Variants in PELI2 observed in about 807,000 individuals in gnomAD.
PELI2 encodes E3 ubiquitin-protein ligase pellino homolog 2.
Under a neutral mutation model 42.3 loss-of-function variants are expected in PELI2, and 23 were observed. The observed-to-expected ratio is 0.54, with a 90% CI of 0.39 to 0.77. PELI2 has a LOEUF of 0.77. Ranked by LOEUF, PELI2 falls within the 30% of genes least tolerant of loss-of-function variation. The probability of loss-of-function intolerance (pLI) is 0.00; values close to 1 mark genes in which losing one functional copy is unlikely to be tolerated. For missense variants in PELI2, 463 were observed against 553.2 expected (o/e 0.84, Z 1.64); for synonymous variants, 245 against 212.2 (o/e 1.15, Z -1.34).
At chr14:56,250,255 T>C (rs1240964476) in intron 2 of PELI2, among the ~76,000 whole-genome samples, 1 of 152,132 alleles carries the variant, frequency 6.6e-6, no homozygotes, top group East Asian at 1.9e-4. Flanking sequence ...GGGGGTGAGA[T>C]TTCAGCCAGG....
At chr14:56,167,126 A>G (rs966482529) in intron 1 of PELI2, among the ~76,000 whole-genome samples, 19 of 152,070 alleles carry the variant, frequency 1.2e-4, no homozygotes, top group African/African-American at 3.6e-4. Context: ...TGGGAGTTTG[A>G]TTATTAAATA....
At chr14:56,295,106 C>G (rs750349133) in intron 5 of PELI2, among the ~76,000 whole-genome samples, 1 of 152,132 alleles carries the variant, frequency 6.6e-6, no homozygotes, top group Non-Finnish European at 1.5e-5. Context: ...TCTCTCTAGT[C>G]CCTGTGCCTC....
At chr14:56,249,104 C>T (rs1023820498) in intron 2 of PELI2, among the ~76,000 whole-genome samples, 6 of 152,040 alleles carry the variant, frequency 3.9e-5, no homozygotes, top group Non-Finnish European at 7.4e-5. Context: ...ATGTGATGCT[C>T]GGAAGTGTGT....
chr14:56,245,253 C>T (rs1008562391), intron 2 of PELI2, among the ~76,000 whole-genome samples: 38 of 152,084 alleles, frequency 2.5e-4, no homozygotes, highest in South Asian at 6.2e-4. Flanking sequence ...CTGTACAGTG[C>T]ATGAGTTGTG....
chr14:56,162,225 T>A (rs1023513419), intron 1 of PELI2, among the ~76,000 whole-genome samples: 2 of 149,960 alleles, frequency 1.3e-5, no homozygotes, highest in African/African-American at 4.9e-5. Context: ...ATTTTTCTAT[T>A]TTTTTTTTTA....
chr14:56,126,052 A>G (rs1331222798), intron 1 of PELI2, among the ~76,000 whole-genome samples: 2 of 152,222 alleles, frequency 1.3e-5, no homozygotes, highest in African/African-American at 4.8e-5. Context: ...TGAGAAACTA[A>G]ACATGTGCTT....
At chr14:56,133,977 T>A (rs1348845798) in intron 1 of PELI2, among the ~76,000 whole-genome samples, 1 of 152,234 alleles carries the variant, frequency 6.6e-6, no homozygotes, top group Non-Finnish European at 1.5e-5. Context: ...TAAGAATGTA[T>A]TATTTACTTT....
intron 1 of PELI2, among the ~76,000 whole-genome samples, chr14:56,139,935 G>A (rs925750429): frequency 8.7e-5 from 10 of 114,604 alleles, no homozygotes; most frequent in African/African-American, 3.1e-4. Context: ...CATTTGTAGG[G>A]CAGCTCATTG....
chr14:56,240,323 G>T (rs1483255761), intron 2 of PELI2, among the ~76,000 whole-genome samples: 1 of 152,098 alleles, frequency 6.6e-6, no homozygotes, highest in African/African-American at 2.4e-5. Context: ...GAAGGGGATG[G>T]ACTCCAGAGA....
intron 3 of PELI2, among the ~76,000 whole-genome samples, chr14:56,280,306 TAAG>T (rs1889436932): frequency 6.6e-6 from 1 of 151,852 alleles, no homozygotes; most frequent in African/African-American, 2.4e-5. Flanking sequence ...GTACAGCAAT[TAAG>T]AAAGTACAGG....
In PELI2 at chr14:56,279,673, T is replaced by C. The variant is rs759066659; in HGVS notation, c.208-3T>C. 2 of 1,521,714 alleles carry C rather than the reference T, an allele frequency of 1.3e-6. No homozygotes were observed. Among genetic ancestry groups the C allele is most frequent in the South Asian group, 2.3e-5 (2 of 85,184 alleles). The allele number at this position is 1,521,714 out of a possible 1,614,324, so 94.3% of individuals were successfully genotyped here. Reference sequence around the variant, plus strand: ...ATGGATTTTTTTAAAATTTTATTATTAGGCTATCAGCTGCAAAGGTCAACA... The same window carrying C: ...ATGGATTTTTTTAAAATTTTATTATCAGGCTATCAGCTGCAAAGGTCAACA... On this transcript the variant is annotated splice_region_variant and splice_polypyrimidine_tract_variant and intron_variant, in intron 2 of 5. Transcript: ENST00000267460.
At chr14:56,277,110 T>G (rs932029828) in intron 2 of PELI2, among the ~76,000 whole-genome samples, 4 of 152,218 alleles carry the variant, frequency 2.6e-5, no homozygotes, top group Non-Finnish European at 5.9e-5. Flanking sequence ...TTCTGGTGTT[T>G]TCTAAAGTGG....
chr14:56,190,668 C>T (rs189918933), intron 2 of PELI2, among the ~76,000 whole-genome samples: 6 of 152,156 alleles, frequency 3.9e-5, no homozygotes, highest in South Asian at 4.2e-4. Context: ...TATTTGTGAG[C>T]GAAATAACCT....
chr14:56,240,432 T>C (rs1057143102), intron 2 of PELI2, among the ~76,000 whole-genome samples: 12 of 152,246 alleles, frequency 7.9e-5, no homozygotes, highest in African/African-American at 2.9e-4. Context: ...AAGTGTGAAC[T>C]GGATTACAGA....
intron 2 of PELI2, among the ~76,000 whole-genome samples, chr14:56,240,517 T>C (rs568164666): frequency 6.6e-6 from 1 of 152,002 alleles, no homozygotes; most frequent in Non-Finnish European, 1.5e-5. Context: ...TTTTAGATGG[T>C]TGGTCAGTGA....
intron 1 of PELI2, among the ~76,000 whole-genome samples, chr14:56,132,795 T>C (rs1883539008): frequency 6.6e-6 from 1 of 152,176 alleles, no homozygotes; most frequent in African/African-American, 2.4e-5. Context: ...CCCTCTTTGA[T>C]TTTGCTTGTG....
At chr14:56,126,063 T>C (rs946357322) in intron 1 of PELI2, among the ~76,000 whole-genome samples, 7 of 152,238 alleles carry the variant, frequency 4.6e-5, no homozygotes, top group Non-Finnish European at 8.8e-5. Context: ...ACATGTGCTT[T>C]ACTGACATCA....
intron 2 of PELI2, among the ~76,000 whole-genome samples, chr14:56,242,091 C>T (rs544501108): frequency 1.3e-5 from 2 of 152,082 alleles, no homozygotes; most frequent in African/African-American, 2.4e-5. Flanking sequence ...TGGCTGTGTG[C>T]GAGGGGTCCA....
chr14:56,287,165 G>T (rs114754107), intron 3 of PELI2, among the ~76,000 whole-genome samples: 1 of 152,128 alleles, frequency 6.6e-6, no homozygotes, highest in South Asian at 2.1e-4. Context: ...AGTGACTGTC[G>T]CTATGAGGCT....
Sources: allele counts gnomAD v4.1 joint callset (sites outside exome capture counted in the v4.1 genomes callset), GRCh38; gene constraint gnomAD v4.1.1; transcripts MANE v1.5; gene names NCBI Gene and HGNC (gene_info 2026-07-23, HGNC 2026-07-21).